Variants in FGF13 observed in about 807,000 individuals in gnomAD.
The protein encoded by FGF13 is fibroblast growth factor 13.
Under a neutral mutation model 19.5 loss-of-function variants are expected in FGF13, and 2 were observed. That is an observed-to-expected ratio of 0.10 (90% CI 0.04 to 0.32). The LOEUF is 0.32. Ranked by LOEUF, FGF13 falls within the 10% of genes least tolerant of loss-of-function variation. The pLI is 1.00. For synonymous variants in FGF13, 72 were observed against 76.9 expected (o/e 0.94, Z 0.33); for missense variants, 113 against 192.7 (o/e 0.59, Z 2.45).
At chrX:138,859,563 A>G (rs1250107455) in intron 2 of FGF13, among the ~76,000 whole-genome samples, 2 of 112,856 alleles carry the variant, frequency 1.8e-5, no homozygotes, top group African/African-American at 6.4e-5. Context: ...ATGATGTCAC[A>G]AATTGACATT....
intron 1 of FGF13, among the ~76,000 whole-genome samples, chrX:138,886,378 G>A (rs185896590): frequency 1.8e-5 from 2 of 112,258 alleles, no homozygotes; most frequent in Admixed American, 9.4e-5. Context: ...AGTGTTTTAT[G>A]AACAAAGTCA....
At chrX:138,829,461 T>A (rs1391788578) in intron 3 of FGF13, among the ~76,000 whole-genome samples, 1 of 111,532 alleles carries the variant, frequency 9.0e-6, no homozygotes, top group Admixed American at 9.5e-5. Context: ...CTGCTGCTTC[T>A]TCCATGAGTG....
downstream of FGF13, among the ~76,000 whole-genome samples, chrX:138,855,449 T>C (rs1327080068): frequency 8.9e-6 from 1 of 111,741 alleles, no homozygotes; most frequent in Non-Finnish European, 1.9e-5. Context: ...TTAATACTAG[T>C]TACAAATCAT....
At chrX:138,938,242 G>C (rs967043781) in intron 1 of FGF13, among the ~76,000 whole-genome samples, 1 of 111,701 alleles carries the variant, frequency 9.0e-6, no homozygotes, top group Non-Finnish European at 1.9e-5. Flanking sequence ...AGAGAAGACT[G>C]ATTGGGTGAC....
intron 3 of FGF13, among the ~76,000 whole-genome samples, chrX:138,784,997 T>TG (rs2090681378): frequency 8.9e-6 from 1 of 112,309 alleles, no homozygotes; most frequent in Non-Finnish European, 1.9e-5. Flanking sequence ...CTGTGTTGCC[T>TG]GAACAGTCTA....
chrX:139,047,489 G>T (rs191346298), intron 1 of FGF13, among the ~76,000 whole-genome samples: 4 of 110,582 alleles, frequency 3.6e-5, no homozygotes, highest in African/African-American at 1.3e-4. Flanking sequence ...ATGCTGGTGC[G>T]CTGCACCCAC....
chrX:138,845,676 T>G (rs963210146), intron 3 of FGF13, among the ~76,000 whole-genome samples: 12 of 111,390 alleles, frequency 1.1e-4, no homozygotes, highest in African/African-American at 3.9e-4. Context: ...GCTGATTTGC[T>G]TTGGGGATTT....
At chrX:138,939,511 T>A (rs2091748099) in intron 1 of FGF13, among the ~76,000 whole-genome samples, 1 of 111,425 alleles carries the variant, frequency 9.0e-6, no homozygotes, top group Non-Finnish European at 1.9e-5. Context: ...ACAAATTATT[T>A]AGTCATCCAG....
intron 1 of FGF13, among the ~76,000 whole-genome samples, chrX:139,093,841 C>T (rs2083453946): frequency 8.9e-6 from 1 of 112,158 alleles, no homozygotes; most frequent in Admixed American, 9.4e-5. Context: ...AAGTGTAATG[C>T]TACTATTCAG....
intron 3 of FGF13, among the ~76,000 whole-genome samples, chrX:138,701,603 G>A (rs2089946564): frequency 8.9e-6 from 1 of 112,451 alleles, no homozygotes; most frequent in African/African-American, 3.2e-5. Flanking sequence ...TGAGGTATAT[G>A]CTGATAATTC....
At chrX:138,832,420 A>AT (rs201643710) in intron 3 of FGF13, among the ~76,000 whole-genome samples, 3,628 of 109,938 alleles carry the variant, frequency 0.033, 151 homozygotes, top group African/African-American at 0.11. Flanking sequence ...AGTGATGTTG[A>AT]TTTTTTTTTC....
At chrX:138,890,614 C>T (rs2091472167) in intron 1 of FGF13, among the ~76,000 whole-genome samples, 1 of 112,050 alleles carries the variant, frequency 8.9e-6, no homozygotes, top group Non-Finnish European at 1.9e-5. Flanking sequence ...GTACAGAGAG[C>T]TTAAGCCACT....
intron 3 of FGF13, among the ~76,000 whole-genome samples, chrX:138,796,215 T>C (rs923725649): frequency 9.1e-6 from 1 of 109,614 alleles, no homozygotes; most frequent in Non-Finnish European, 1.9e-5. Flanking sequence ...AGGCTCTCCC[T>C]CCCCTTGTCC....
chrX:138,828,346 A>G (rs1442152700), intron 3 of FGF13, among the ~76,000 whole-genome samples: 1 of 110,596 alleles, frequency 9.0e-6, no homozygotes, highest in East Asian at 2.9e-4. Context: ...AGGCGGGCGG[A>G]TCACGAGGTC....
chrX:138,727,354 G>A (rs1237346242), intron 1 of FGF13, among the ~76,000 whole-genome samples: 1 of 110,124 alleles, frequency 9.1e-6, no homozygotes, highest in African/African-American at 3.3e-5. Flanking sequence ...AGGCACTGGG[G>A]AGATCTGTAG....
intron 1 of FGF13, among the ~76,000 whole-genome samples, chrX:138,908,827 A>C (rs185675477): frequency 2.1e-4 from 24 of 111,887 alleles, no homozygotes; most frequent in African/African-American, 7.1e-4. Flanking sequence ...CTTTGTTGCC[A>C]AAGGGTGGGA....
At chrX:139,132,010 C>A (rs1052331609) in intron 1 of FGF13, among the ~76,000 whole-genome samples, 1 of 112,097 alleles carries the variant, frequency 8.9e-6, no homozygotes, top group Non-Finnish European at 1.9e-5. Flanking sequence ...ATTTCTAAAT[C>A]TTTCACATTC....
intron 3 of FGF13, among the ~76,000 whole-genome samples, chrX:138,804,423 C>G (rs1042956227): frequency 8.9e-6 from 1 of 112,202 alleles, no homozygotes; most frequent in Admixed American, 9.5e-5. Context: ...GTGCAATTCA[C>G]TGTGCACCAG....
chrX:138,805,993 A>G (rs1428017894), intron 3 of FGF13, among the ~76,000 whole-genome samples: 1 of 111,665 alleles, frequency 9.0e-6, no homozygotes, highest in Non-Finnish European at 1.9e-5. Flanking sequence ...GAAGCATGGC[A>G]CTTGACTCAG....
Sources: gnomAD v4.1 joint callset for allele counts (sites outside exome capture counted in the v4.1 genomes callset) on GRCh38, gnomAD v4.1.1 for gene constraint, MANE v1.5 for transcripts, NCBI Gene and HGNC (gene_info 2026-07-23, HGNC 2026-07-21) for gene names.